PDE4DIP: variants seen among roughly 807,000 people sequenced by gnomAD.
PDE4DIP encodes the protein myomegalin.
In PDE4DIP, 59 loss-of-function variants were observed where a neutral mutation model predicts 221.4. The observed-to-expected ratio is 0.27, with a 90% confidence interval of 0.22 to 0.33. The LOEUF is 0.33. PDE4DIP is among the 10% of genes least tolerant of loss of function. The pLI is 1.00. For missense variants in PDE4DIP, 1,036 were observed against 2,154.2 expected, an observed-to-expected ratio of 0.48 and a Z score of 10.28; for synonymous variants, 404 against 815.9, an observed-to-expected ratio of 0.50 and a Z score of 8.60.
At chr1:148,879,739 A>G (rs12064789) in intron 3 of PDE4DIP, among the ~76,000 whole-genome samples, 5 of 143,802 alleles carry the variant, frequency 3.5e-5, no homozygotes, top group African/African-American at 1.1e-4. Flanking sequence ...AAATCTAGAG[A>G]AAAAGGTGAG....
intron 4 of PDE4DIP, among the ~76,000 whole-genome samples, chr1:148,933,546 T>G (rs1231715040): frequency 1.3e-5 from 2 of 152,226 alleles, no homozygotes; most frequent in Non-Finnish European, 1.5e-5. Context: ...AGAGTAGTTC[T>G]GAAATAGATA....
At chr1:148,832,589 T>C (rs1260495777) in intron 1 of PDE4DIP, among the ~76,000 whole-genome samples, 2 of 147,302 alleles carry the variant, frequency 1.4e-5, no homozygotes, top group African/African-American at 2.4e-5. Context: ...ATAGCTCTTA[T>C]TATTTTGAGA....
chr1:148,930,941 AC>A (rs1220201671), intron 2 of PDE4DIP: 1 of 55,450 alleles, frequency 1.8e-5, no homozygotes, highest in African/African-American at 8.9e-5. Context: ...AGACACATAG[AC>A]CAATGGAAGC....
chr1:148,976,509 G>A (rs868928997), intron 17 of PDE4DIP, among the ~76,000 whole-genome samples: 3 of 152,042 alleles, frequency 2.0e-5, no homozygotes, highest in African/African-American at 7.2e-5. Flanking sequence ...GGATTGTTGT[G>A]AGGATTCACT....
chr1:148,978,027 A>G, exon 18 of PDE4DIP: 3 of 1,614,078 alleles, frequency 1.9e-6, no homozygotes, highest in East Asian at 2.2e-5. Context: ...GACCAGGAAC[A>G]TACAGATTAA....
At chr1:148,989,144 A>G in intron 21 of PDE4DIP, 1 of 316,410 alleles carries the variant, frequency 3.2e-6, no homozygotes, top group South Asian at 2.6e-5. Flanking sequence ...GTATGAGATA[A>G]CTTACTCTTT....
intron 23 of PDE4DIP, among the ~76,000 whole-genome samples, chr1:148,999,531 C>T (rs1276984420): frequency 6.6e-6 from 1 of 152,188 alleles, no homozygotes; most frequent in Non-Finnish European, 1.5e-5. Context: ...TGCTTCTATA[C>T]TACATACTTT....
At chr1:148,994,656 C>A (rs1405789033) in intron 22 of PDE4DIP, among the ~76,000 whole-genome samples, 139 of 152,122 alleles carry the variant, frequency 9.1e-4, no homozygotes, top group Non-Finnish European at 1.7e-3. Flanking sequence ...ACTTACCTAC[C>A]TACCATTTTT....
rs1478412641 is a variant in PDE4DIP at position 149,021,280 on chromosome 1, G to T, written c.6085+127G>T. On this transcript the variant is annotated intron_variant, in intron 37 of 43. Transcript: ENST00000369354. The stretch of plus-strand genomic sequence containing the variant: ...AGTTCTGTTGCAGAAACCCCCACCC[G>T]AGCCTGGGGCTCCCAGTAGGAGCTC... The T allele has an allele frequency of 8.3e-6, 6 of 719,998 alleles. No individual in the cohort carries two copies. The East Asian group carries it at 1.3e-4, about 15-fold the overall frequency. The allele number at this position is 719,998 out of a possible 1,614,324, so 44.6% of individuals were successfully genotyped here.
At chr1:149,000,279 G>A (rs587763797) in intron 23 of PDE4DIP, among the ~76,000 whole-genome samples, 1 of 152,330 alleles carries the variant, frequency 6.6e-6, no homozygotes, top group East Asian at 1.9e-4. Flanking sequence ...TGTGGACTGG[G>A]CATGGTGGCT....
At chr1:149,020,004 G>A (rs1481319504) in intron 35 of PDE4DIP, 143 bp from the exon 39 acceptor site, 2 of 602,700 alleles carry the variant, frequency 3.3e-6, no homozygotes, top group Non-Finnish European at 6.0e-6. Flanking sequence ...GGGGGATGTT[G>A]AGCCAGCATG....
intron 4 of PDE4DIP, among the ~76,000 whole-genome samples, chr1:148,936,667 T>C (rs1424258027): frequency 1.3e-5 from 2 of 152,258 alleles, no homozygotes; most frequent in Non-Finnish European, 2.9e-5. Context: ...ATATTTTCCT[T>C]ATATCCTTAT....
At chr1:149,028,668 C>T in exon 41 of PDE4DIP, 1 of 1,599,796 alleles carries the variant, frequency 6.3e-7, no homozygotes, top group Non-Finnish European at 8.5e-7. Context: ...AGCGGCCCTG[C>T]CAAGCACCCA....
At chr1:148,926,611 A>G (rs1553465937) in intron 1 of PDE4DIP, among the ~76,000 whole-genome samples, 1 of 147,420 alleles carries the variant, frequency 6.8e-6, no homozygotes, top group Non-Finnish European at 1.5e-5. Context: ...TGATTTATTT[A>G]TGCCTCACGA....
At chr1:148,960,271 A>C (rs1268308411) in intron 5 of PDE4DIP, among the ~76,000 whole-genome samples, 1 of 150,940 alleles carries the variant, frequency 6.6e-6, no homozygotes, top group African/African-American at 2.4e-5. Context: ...AGGAAGTGTA[A>C]GTTTGATGAG....
At chr1:148,901,920 C>T (rs2040738264) in intron 1 of PDE4DIP, among the ~76,000 whole-genome samples, 1 of 119,114 alleles carries the variant, frequency 8.4e-6, no homozygotes, top group Non-Finnish European at 1.7e-5. Flanking sequence ...TCTAGTCTTG[C>T]CCACTGTGAA....
intron 37 of PDE4DIP, chr1:149,021,818 A>G (rs1553619777): frequency 6.8e-6 from 1 of 146,464 alleles, no homozygotes; most frequent in African/African-American, 2.5e-5. Context: ...TCAATCCTGG[A>G]TTTAAATATT....
intron 1 of PDE4DIP, among the ~76,000 whole-genome samples, chr1:148,917,224 G>A (rs2044295355): frequency 6.6e-6 from 1 of 151,948 alleles, no homozygotes; most frequent in Non-Finnish European, 1.5e-5. Context: ...TATTCTAACA[G>A]AGTGACTATA....
intron 5 of PDE4DIP, among the ~76,000 whole-genome samples, chr1:148,949,896 TG>T (rs1553486237): frequency 1.3e-5 from 2 of 151,038 alleles, no homozygotes; most frequent in Non-Finnish European, 3.0e-5. Flanking sequence ...CATCTGTTTT[TG>T]GAAGTCTAGA....
Sources: allele counts gnomAD v4.1 joint callset (sites outside exome capture counted in the v4.1 genomes callset), GRCh38; gene constraint gnomAD v4.1.1; transcripts MANE v1.5; gene names NCBI Gene and HGNC (gene_info 2026-07-23, HGNC 2026-07-21).